GALNS: variants seen among roughly 807,000 people sequenced by gnomAD.
The protein encoded by GALNS is N-acetylgalactosamine-6-sulfatase.
A neutral mutation model predicts 65.9 loss-of-function variants in GALNS; 65 were observed. The observed-to-expected ratio is 0.99, with a 90% CI of 0.81 to 1.21. The LOEUF (loss-of-function observed/expected upper bound fraction) is 1.21, where lower values mean the gene tolerates loss of function less well. Ranked by LOEUF, GALNS falls within the 50% of genes most tolerant of loss-of-function variation. The probability of loss-of-function intolerance (pLI) is 0.00; values close to 1 mark genes in which losing one functional copy is unlikely to be tolerated. For missense variants in GALNS, 776 were observed against 700.7 expected (o/e 1.11, Z -1.21); for synonymous variants, 346 against 288.9 (o/e 1.20, Z -2.00).
intron 5 of GALNS, among the ~76,000 whole-genome samples, chr16:88,836,515 G>T (rs1049513848): frequency 6.6e-6 from 1 of 152,188 alleles, no homozygotes; most frequent in African/African-American, 2.4e-5. Context: ...TTAGCTGGGC[G>T]TGGTGGCGCA....
chr16:88,828,798 C>T (rs2926777), intron 9 of GALNS, among the ~76,000 whole-genome samples: 76,411 of 152,044 alleles, frequency 0.5, 19,893 homozygotes, highest in Non-Finnish European at 0.58. Flanking sequence ...AGCCGGGCGG[C>T]GCTGGGGTGG....
intron 1 of GALNS, chr16:88,843,519 G>A (rs748390876): frequency 3.4e-6 from 1 of 298,372 alleles, no homozygotes; most frequent in East Asian, 8.2e-5. Flanking sequence ...GATGTAGTGA[G>A]CTAAGATGAG....
At position 88,816,169 on chromosome 16, in the gene GALNS, T is replaced by A. The variant is rs553808932; in HGVS notation, c.1483-1644A>T. On this transcript the variant is annotated intron_variant, in intron 13 of 13. Coordinates refer to ENST00000268695, the MANE Select transcript of GALNS (RefSeq NM_000512.5). ...AGCACAGGTGTGGCGGTGGGGGCAG[T>A]TCCCCCAGTGCCCAGGAGATGGCAG... 1.2e-3 allele frequency: 1,170 copies of A among 985,392 alleles called. 16 individuals are homozygous for A. The African/African-American group carries it at 0.02, about 16-fold the overall frequency. The allele number at this position is 985,392 out of a possible 1,614,324, so 61.0% of individuals were successfully genotyped here. A position where few individuals can be genotyped will look rare whatever the true frequency, so the allele number is the denominator to read the frequency against.
At chr16:88,848,890 C>T (rs1967378845) in intron 1 of GALNS, among the ~76,000 whole-genome samples, 1 of 152,208 alleles carries the variant, frequency 6.6e-6, no homozygotes, top group South Asian at 2.1e-4. Context: ...CGTGGTCACA[C>T]CTTGGTCTTT....
intron 1 of GALNS, among the ~76,000 whole-genome samples, chr16:88,848,003 T>C (rs904238713): frequency 6.6e-6 from 1 of 152,220 alleles, no homozygotes; most frequent in African/African-American, 2.4e-5. Flanking sequence ...CTGTGGACCA[T>C]GACTCAGCCA....
intron 1 of GALNS, among the ~76,000 whole-genome samples, chr16:88,853,398 GATT>G (rs1351896793): frequency 6.6e-6 from 1 of 152,116 alleles, no homozygotes; most frequent in African/African-American, 2.4e-5. Flanking sequence ...GTTGCTATGG[GATT>G]ATTATGAAGA....
intron 12 of GALNS, among the ~76,000 whole-genome samples, chr16:88,822,353 C>A (rs184641559): frequency 1.3e-5 from 2 of 152,284 alleles, no homozygotes; most frequent in African/African-American, 4.8e-5. Context: ...TCACTGGGGG[C>A]CAGGTGGATG....
intron 11 of GALNS, among the ~76,000 whole-genome samples, chr16:88,823,688 G>A (rs2142993011): frequency 8.7e-6 from 1 of 114,336 alleles, no homozygotes; most frequent in South Asian, 3.2e-4. Flanking sequence ...GGCCCTCGCA[G>A]GCGGCAATGC....
intron 7 of GALNS, 96 bp downstream of exon 7, chr16:88,835,629 T>C: frequency 1.3e-6 from 2 of 1,574,634 alleles, no homozygotes; most frequent in Non-Finnish European, 8.7e-7. Context: ...CTTTCCATAA[T>C]TGGCCTAAAT....
At position 88,813,981 on chromosome 16, in the gene GALNS, G is replaced by A. The variant is rs1465467863; in HGVS notation, c.*458C>T. ...GGCCAGACTCAATCGTGTATTCAGT[G>A]GAAGGCTGACTGAACCAATGTACGC... On this transcript the variant is annotated 3_prime_UTR_variant, in exon 14 of 14. Coordinates refer to ENST00000268695, the MANE Select transcript of GALNS (RefSeq NM_000512.5). 4.0e-6 allele frequency: 1 copy of A among 252,438 alleles called. No individual in the cohort carries two copies. The highest frequency in any genetic ancestry group is 7.9e-6 in the Non-Finnish European group (1 of 125,798). 15.6% of individuals were successfully genotyped at this position (252,438 alleles called of 1,614,324 possible).
At chr16:88,822,813 GC>G (rs2089710488) in intron 11 of GALNS, 103 bp from the exon 12 acceptor site, 1 of 1,507,896 alleles carries the variant, frequency 6.6e-7, no homozygotes, top group Admixed American at 2.0e-5. Flanking sequence ...GCCGTGAGGG[GC>G]CTTGTCTGCC....
intron 10 of GALNS, among the ~76,000 whole-genome samples, chr16:88,825,319 TATCTGGG>T: frequency 2.1e-5 from 2 of 95,784 alleles, no homozygotes; most frequent in East Asian, 3.1e-4. Flanking sequence ...GGCGACTGGG[TATCTGGG>T]GTGCCTGGGT....
At chr16:88,833,569 A>G (rs1159108524) in intron 8 of GALNS, among the ~76,000 whole-genome samples, 1 of 150,616 alleles carries the variant, frequency 6.6e-6, no homozygotes, top group Non-Finnish European at 1.5e-5. Context: ...CTCTTGACTT[A>G]GCCTGCCCAG....
intron 13 of GALNS, chr16:88,816,034 C>A: frequency 2.0e-6 from 2 of 985,390 alleles, no homozygotes; most frequent in South Asian, 9.4e-5. Context: ...AGGCTTCACA[C>A]GCGTGTCTGT....
chr16:88,828,522 A>AC (rs1911158261), intron 9 of GALNS, among the ~76,000 whole-genome samples: 2 of 152,080 alleles, frequency 1.3e-5, no homozygotes, highest in African/African-American at 4.8e-5. Flanking sequence ...TTTCACTGAA[A>AC]CCCCGTCGTG....
intron 13 of GALNS, chr16:88,815,244 T>G: frequency 2.0e-6 from 2 of 985,400 alleles, no homozygotes; most frequent in Non-Finnish European, 2.4e-6. Context: ...GTCCCGGGTA[T>G]GGGGGATGCA....
chr16:88,820,581 C>T (rs1443106334), intron 12 of GALNS, among the ~76,000 whole-genome samples: 1 of 152,202 alleles, frequency 6.6e-6, no homozygotes, highest in Non-Finnish European at 1.5e-5. Context: ...TCCTTGTGAC[C>T]CCCTCTGGGA....
intron 9 of GALNS, among the ~76,000 whole-genome samples, chr16:88,830,916 GT>G (rs1911436075): frequency 6.6e-6 from 1 of 152,220 alleles, no homozygotes; most frequent in African/African-American, 2.4e-5. Context: ...AGACAGACAG[GT>G]TTTTAAACAC....
At chr16:88,820,873 G>A (rs969646574) in intron 12 of GALNS, among the ~76,000 whole-genome samples, 1 of 152,186 alleles carries the variant, frequency 6.6e-6, no homozygotes, top group African/African-American at 2.4e-5. Flanking sequence ...GGTGTGGCCA[G>A]CAGCTTGTTC....
Sources: gnomAD v4.1 joint callset for allele counts (sites outside exome capture counted in the v4.1 genomes callset) on GRCh38, gnomAD v4.1.1 for gene constraint, MANE v1.5 for transcripts, NCBI Gene and HGNC (gene_info 2026-07-23, HGNC 2026-07-21) for gene names.